The following LINGO2 variants were observed in gnomAD, a reference collection of about 807,000 sequenced individuals.
The protein encoded by LINGO2 is leucine rich repeat and Ig domain containing 2.
In LINGO2, 14 loss-of-function variants were observed where a neutral mutation model predicts 30.6. The ratio of observed to expected loss-of-function variants is 0.46; its 90% confidence interval spans 0.30 to 0.72. The LOEUF (loss-of-function observed/expected upper bound fraction) is 0.72. LINGO2 is among the 30% of genes least tolerant of loss of function. The pLI is 0.07. For missense variants in LINGO2, 729 were observed against 751.7 expected, an observed-to-expected ratio of 0.97 and a Z score of 0.35; for synonymous variants, 317 against 288.5, an observed-to-expected ratio of 1.10 and a Z score of -1.00.
At chr9:28,073,516 G>C (rs1825540623) in intron 4 of LINGO2, among the ~76,000 whole-genome samples, 1 of 152,114 alleles carries the variant, frequency 6.6e-6, no homozygotes, top group African/African-American at 2.4e-5. Flanking sequence ...AACCCTTTAA[G>C]TCTTGAAAGC....
intron 2 of LINGO2, among the ~76,000 whole-genome samples, chr9:28,377,096 T>C (rs1821159912): frequency 6.6e-6 from 1 of 151,352 alleles, no homozygotes. Flanking sequence ...TATATTAAAA[T>C]ACAGTTGACC....
chr9:28,770,803 T>G, the LINGO2 span, among the ~76,000 whole-genome samples: 1 of 152,216 alleles, frequency 6.6e-6, no homozygotes, highest in Non-Finnish European at 1.5e-5. Flanking sequence ...TTTCTTAGTA[T>G]GAATTTAACA....
intron 5 of LINGO2, among the ~76,000 whole-genome samples, chr9:27,954,412 T>C (rs998854534): frequency 1.3e-5 from 2 of 152,182 alleles, no homozygotes; most frequent in East Asian, 3.8e-4. Context: ...GCTCTCAATG[T>C]TTTTAGCTCC....
Position 28,288,299 on chromosome 9 carries a change from C to T in LINGO2, c.-87+6909G>A, listed in dbSNP as rs573023399. 2.9e-4 allele frequency among the ~76,000 whole-genome samples: 44 copies of T among 152,204 alleles called. 1 individual carries two copies. The South Asian group carries it at 8.3e-3, about 29-fold the overall frequency. The stretch of plus-strand genomic sequence containing the variant: ...CATAACGTTTATTTTTACATAATGG[C>T]GACTTTGTCAGACTGTACTCTGAGC... On this transcript the variant is annotated intron_variant, in intron 4 of 5. Transcript: ENST00000379992.
At chr9:28,590,268 C>T (rs1164538377) in intron 1 of LINGO2, among the ~76,000 whole-genome samples, 3 of 152,030 alleles carry the variant, frequency 2.0e-5, no homozygotes, top group Admixed American at 6.6e-5. Flanking sequence ...GTCTAAAACA[C>T]CAAAAGCAAT....
In LINGO2 at chr9:28,285,398, A is replaced by ATTTT. The variant is rs34034595; in HGVS notation, c.-87+9806_-87+9809dup. On this transcript the variant is annotated intron_variant, in intron 4 of 5. Coordinates refer to ENST00000379992, the Ensembl canonical transcript of LINGO2. ...CTGAGAGGACACGTTGCCCAAGATC[A>ATTTT]TTTTTTTTTTTTTTTTTTTTTTTTT... Among the ~76,000 whole-genome samples, 411 of 76,214 alleles carry ATTTT rather than the reference A, an allele frequency of 5.4e-3. 7 individuals are homozygous for ATTTT. Among genetic ancestry groups the ATTTT allele is most frequent in the East Asian group, 0.011 (25 of 2,250 alleles). 50.0% of individuals were successfully genotyped at this position (76,214 alleles called of 152,430 possible).
the LINGO2 span, among the ~76,000 whole-genome samples, chr9:29,176,223 A>T: frequency 6.6e-6 from 1 of 152,106 alleles, no homozygotes; most frequent in Non-Finnish European, 1.5e-5. Flanking sequence ...AACTAACCAA[A>T]AGTCACCTTG....
chr9:29,029,863 G>GTTTT, the LINGO2 span, among the ~76,000 whole-genome samples: 76 of 148,572 alleles, frequency 5.1e-4, no homozygotes, highest in African/African-American at 1.7e-3. Flanking sequence ...GAAGCTTTCA[G>GTTTT]TTTTTTTTTT....
At chr9:28,189,272 G>T (rs1819666407) in intron 4 of LINGO2, among the ~76,000 whole-genome samples, 1 of 67,150 alleles carries the variant, frequency 1.5e-5, no homozygotes, top group Non-Finnish European at 3.1e-5. Flanking sequence ...AGGGAGGGAG[G>T]AAGGGAGGGA....
Position 28,547,600 on chromosome 9 carries a change from C to T in LINGO2, c.-364-71575G>A, listed in dbSNP as rs188810036. 2.8e-3 allele frequency among the ~76,000 whole-genome samples: 420 copies of T among 152,150 alleles called. 4 individuals carry two copies. The highest frequency in any genetic ancestry group is 3.7e-3 in the Non-Finnish European group (252 of 68,008). On this transcript the variant is annotated intron_variant, in intron 1 of 5. Transcript: ENST00000379992. ...TGTTATTTTCATTTGCCTTAAATGA[C>T]ACATGGAAATTAAGAAGCCTACCAT...
At chr9:28,680,828 T>C in the LINGO2 span, among the ~76,000 whole-genome samples, 1 of 152,132 alleles carries the variant, frequency 6.6e-6, no homozygotes. Context: ...TTTGTTGTCC[T>C]GCTATTGAGT....
At chr9:28,255,686 T>C (rs1822359226) in intron 4 of LINGO2, among the ~76,000 whole-genome samples, 1 of 152,120 alleles carries the variant, frequency 6.6e-6, no homozygotes, top group East Asian at 1.9e-4. Context: ...CATCTTTGAC[T>C]TAGCTTCACA....
In LINGO2 at chr9:28,569,622, T is replaced by TG. The variant is rs141962321; in HGVS notation, c.-364-93598dup. Among the ~76,000 whole-genome samples, 4 of 123,782 alleles carry TG rather than the reference T, an allele frequency of 3.2e-5. No homozygotes were observed. The South Asian group carries it at 9.2e-4, about 28-fold the overall frequency. The allele number at this position is 123,782 out of a possible 152,430, so 81.2% of individuals were successfully genotyped here. ...GAGTATAATGATGGTTACCAGGGGC[T>TG]GGGGGGTAGAACAAATGGGGGGATA... On this transcript the variant is annotated intron_variant, in intron 1 of 5. Transcript: ENST00000379992.
At chr9:29,072,056 C>A in the LINGO2 span, among the ~76,000 whole-genome samples, 1 of 152,068 alleles carries the variant, frequency 6.6e-6, no homozygotes, top group Non-Finnish European at 1.5e-5. Flanking sequence ...CATAGTGTAT[C>A]AGTTTAAAGC....
At chr9:29,200,417 G>T in the LINGO2 span, among the ~76,000 whole-genome samples, 1 of 152,014 alleles carries the variant, frequency 6.6e-6, no homozygotes, top group South Asian at 2.1e-4. Flanking sequence ...TTCTTTTTCA[G>T]TGATACAGAA....
At chr9:28,601,845 G>GA (rs1825490624) in intron 1 of LINGO2, among the ~76,000 whole-genome samples, 1 of 151,990 alleles carries the variant, frequency 6.6e-6, no homozygotes, top group East Asian at 1.9e-4. Context: ...CTAGCAAAAT[G>GA]AAAAAATCTA....
At chr9:28,237,059 A>G (rs909003196) in intron 4 of LINGO2, among the ~76,000 whole-genome samples, 5 of 144,492 alleles carry the variant, frequency 3.5e-5, no homozygotes, top group African/African-American at 1.3e-4. Context: ...ATTTAAAGTC[A>G]TAGGGTAAAA....
intron 5 of LINGO2, among the ~76,000 whole-genome samples, chr9:27,956,242 GA>G (rs1159793489): frequency 1.8e-4 from 27 of 151,972 alleles, no homozygotes; most frequent in Non-Finnish European, 3.2e-4. Context: ...GCGCCTGGCC[GA>G]CTGTCTTTTA....
chr9:28,318,963 C>T (rs1333728875), intron 3 of LINGO2, among the ~76,000 whole-genome samples: 2 of 152,090 alleles, frequency 1.3e-5, no homozygotes, highest in Non-Finnish European at 2.9e-5. Context: ...GCTACATACA[C>T]TTGGTTAGTA....
Sources: allele counts gnomAD v4.1 joint callset (sites outside exome capture counted in the v4.1 genomes callset), GRCh38; gene constraint gnomAD v4.1.1; transcripts MANE v1.5; gene names NCBI Gene and HGNC (gene_info 2026-07-23, HGNC 2026-07-21).